Variants in STARD5 observed in about 807,000 individuals in gnomAD.
STARD5 encodes the protein StAR related lipid transfer domain containing 5.
STARD5 carries 26 observed loss-of-function variants against 24.6 expected under a neutral mutation model. The observed-to-expected ratio is 1.06, with a 90% CI of 0.77 to 1.47. The LOEUF is 1.47. Among genes scored for constraint, STARD5 ranks in the 40% most tolerant of loss-of-function variants. The pLI is 0.00. For synonymous variants in STARD5, 101 were observed against 99.7 expected, an observed-to-expected ratio of 1.01 and a Z score of -0.07; for missense variants, 254 against 270.8, an observed-to-expected ratio of 0.94 and a Z score of 0.44.
chr15:81,312,102 C>T lies in STARD5; in HGVS notation c.*1154G>A, dbSNP rs531213243. The T allele has an allele frequency of 4.7e-4, 72 of 152,384 alleles. 1 individual carries two copies. The highest frequency in any genetic ancestry group is 1.6e-3 in the African/African-American group (67 of 41,574). The allele number at this position is 152,384 out of a possible 1,614,324, so 9.4% of individuals were successfully genotyped here. ...GCAGCGTGAAGGGATTTTAGTCACA[C>T]GTGGTCTTTCTTACAAGGAAGGTGG... is the stretch of plus-strand genomic sequence containing the variant. On this transcript the variant is annotated 3_prime_UTR_variant, in exon 6 of 6. Coordinates refer to ENST00000302824, the MANE Select transcript of STARD5 (RefSeq NM_181900.3).
intron 3 of STARD5, 47 bp from the exon 4 acceptor site, chr15:81,319,503 T>C (rs1901152619): frequency 6.6e-7 from 1 of 1,526,132 alleles, no homozygotes; most frequent in African/African-American, 1.4e-5. Flanking sequence ...GCCAGACATC[T>C]TCTCCCAACT....
At chr15:81,313,441 G>A (rs765156166) in intron 5 of STARD5, 38 bp from the exon 6 acceptor site, 21 of 1,467,596 alleles carry the variant, frequency 1.4e-5, no homozygotes, top group African/African-American at 1.4e-5. Flanking sequence ...ATGATCTGCA[G>A]CAGAGGTGCT....
rs1900730943 is a variant in STARD5, at chr15:81,309,271, T to G, written c.*3985A>C. 1 of 155,296 alleles carries G rather than the reference T, an allele frequency of 6.4e-6. No homozygotes were observed. Among genetic ancestry groups the G allele is most frequent in the Non-Finnish European group, 1.4e-5 (1 of 70,126 alleles). 9.6% of individuals were successfully genotyped at this position (155,296 alleles called of 1,614,324 possible). A position where few individuals can be genotyped will look rare whatever the true frequency, so the allele number is the denominator to read the frequency against. On this transcript the variant is annotated 3_prime_UTR_variant, in exon 6 of 6. Coordinates refer to ENST00000302824, the MANE Select transcript of STARD5 (RefSeq NM_181900.3). ...GCGTCATGCAAAGTCATGCAAAGGC[T>G]GGGACCACGTGAGATCATTCACTCA...
Position 81,322,519 on chromosome 15 carries a change from T to C in STARD5, c.171A>G (p.Val57=), listed in dbSNP as rs1893309712. 6.2e-7 allele frequency: 1 copy of C among 1,614,186 alleles called. No individual in the cohort carries two copies. Among genetic ancestry groups the C allele is most frequent in the African/African-American group, 1.3e-5 (1 of 75,050 alleles). The change falls in exon 3 of 6, where the codon GTA becomes GTG. Residue 57 remains valine (V), a synonymous_variant. Transcript: ENST00000302824. Reference sequence around the variant, plus strand: ...CCCACACCTCCTCTAGTGTCCCATATACAATGCCTTCTCCTCGGTACCTGG... The same window carrying C: ...CCCACACCTCCTCTAGTGTCCCATACACAATGCCTTCTCCTCGGTACCTGG... ...PGNLYRGEGI[V]YGTLEEVWDC...
intron 2 of STARD5, 38 bp downstream of exon 2, chr15:81,322,861 G>A (rs374681683): frequency 5.1e-5 from 83 of 1,612,852 alleles, no homozygotes; most frequent in African/African-American, 4.0e-4. Flanking sequence ...GGAAGGGTGC[G>A]GCACCTCTGG....
At chr15:81,313,610 C>T (rs112089465) in intron 5 of STARD5, 154 of 383,486 alleles carry the variant, frequency 4.0e-4, no homozygotes, top group African/African-American at 2.9e-3. Context: ...ATGCATTCCA[C>T]AGCCTCTCCC....
At chr15:81,313,694 A>G (rs370338184) in intron 5 of STARD5, 2 of 228,768 alleles carry the variant, frequency 8.7e-6, no homozygotes, top group African/African-American at 2.3e-5. Flanking sequence ...CACTCAGCAA[A>G]TGCTTTCAGA....
At chr15:81,319,571 A>G in intron 3 of STARD5, 115 bp from the exon 4 acceptor site, 1 of 862,576 alleles carries the variant, frequency 1.2e-6, no homozygotes, top group South Asian at 1.5e-5. Context: ...GGGTGGCACT[A>G]TAAACAGTTA....
Position 81,324,072 on chromosome 15 carries a change from T to G in STARD5, c.28A>C (p.Ser10Arg). 1 of 1,546,118 alleles carries G rather than the reference T, an allele frequency of 6.5e-7. No homozygotes were observed. The highest frequency in any genetic ancestry group is 8.8e-7 in the Non-Finnish European group (1 of 1,138,646). The change falls in exon 1 of 6, where the codon AGC becomes CGC. Residue 10 changes from serine (S) to arginine (R), a missense_variant. By Grantham distance (110) the Ser-to-Arg change is moderately radical. Coordinates refer to ENST00000302824, the MANE Select transcript of STARD5 (RefSeq NM_181900.3). ...AGCATCTTCTCGGCCACAGCCTCGC[T>G]CATCTGGGCTGCCAGCGCCGGGTCC... The part of the protein sequence containing the change: MDPALAAQM[S>R]EAVAEKMLQY...
intron 5 of STARD5, among the ~76,000 whole-genome samples, chr15:81,317,741 G>C (rs892540474): frequency 6.6e-6 from 1 of 152,158 alleles, no homozygotes; most frequent in Non-Finnish European, 1.5e-5. Context: ...GCAAGGCACA[G>C]TTTCTTTTGC....
At position 81,320,143 on chromosome 15, in the gene STARD5, G is replaced by A. The variant is rs537859656; in HGVS notation, c.283-687C>T. Reference sequence around the variant, plus strand: ...GAGAGTGGGGCCCAGGCTCTCTCGAGGTCACAGTGGAGAAGTACAGGCCAG... The same window carrying A: ...GAGAGTGGGGCCCAGGCTCTCTCGAAGTCACAGTGGAGAAGTACAGGCCAG... On this transcript the variant is annotated intron_variant, in intron 3 of 5. Transcript: ENST00000302824. 4.3e-4 allele frequency among the ~76,000 whole-genome samples: 66 copies of A among 152,234 alleles called. 1 individual carries two copies. The highest frequency in any genetic ancestry group is 1.4e-3 in the African/African-American group (60 of 41,528).
rs1900803149 is a variant in STARD5 at position 81,310,657 on chromosome 15, C to A, written c.*2599G>T. 6.6e-6 allele frequency: 1 copy of A among 152,174 alleles called. No individual in the cohort carries two copies. The highest frequency in any genetic ancestry group is 2.1e-4 in the South Asian group (1 of 4,828). The allele number at this position is 152,174 out of a possible 1,614,324, so 9.4% of individuals were successfully genotyped here. The stretch of plus-strand genomic sequence containing the variant: ...CGTGATGTGGAGGGCACATTCCTTG[C>A]CTGCACAAACTCACCATCTGTGCAC... On this transcript the variant is annotated 3_prime_UTR_variant, in exon 6 of 6. Transcript: ENST00000302824.
rs149593184 is a variant in STARD5 at position 81,313,321 on chromosome 15, A to C, written c.577T>G (p.Phe193Val). The stretch of plus-strand genomic sequence containing the variant: ...TAAAACCGGGTCATGCTGCGGGGGA[A>C]GAAGGAGTCCACCACGTTCTGTGGG... ...YLPQNVVDSF[F>V]PRSMTRFYAN... Residue 193 changes from phenylalanine to valine, a missense_variant, in exon 6 of 6, where the codon TTC (phenylalanine) becomes GTC (valine). Phe to Val is a conservative substitution (Grantham distance 50). Transcript: ENST00000302824. 1.9e-6 allele frequency: 3 copies of C among 1,579,284 alleles called. No homozygotes were observed. The highest frequency in any genetic ancestry group is 2.6e-6 in the Non-Finnish European group (3 of 1,163,192).
rs746457885 is a variant in STARD5, at chr15:81,322,395, T to C, written c.282+13A>G. The C allele has an allele frequency of 6.2e-6, 10 of 1,614,064 alleles. No individual in the cohort carries two copies. In the South Asian group the frequency reaches 9.9e-5, roughly 16 times the overall value. On this transcript the variant is annotated intron_variant, in intron 3 of 5. Transcript: ENST00000302824. The stretch of plus-strand genomic sequence containing the variant: ...AGACACTATCTAGAGATAACATGCT[T>C]GGAAAGACTTACGTCAGTGATGCTT...
intron 3 of STARD5, among the ~76,000 whole-genome samples, chr15:81,321,608 C>CAA (rs33955634): frequency 0.29 from 39,187 of 137,478 alleles, 5,884 homozygotes; most frequent in East Asian, 0.57. Context: ...GATTCCGTCT[C>CAA]AAAAAAAAAA....
At chr15:81,314,309 A>C (rs1225251540) in intron 5 of STARD5, among the ~76,000 whole-genome samples, 5 of 152,216 alleles carry the variant, frequency 3.3e-5, no homozygotes, top group African/African-American at 1.2e-4. Context: ...AGAGGACGGC[A>C]GGTGGCACAG....
intron 5 of STARD5, among the ~76,000 whole-genome samples, chr15:81,314,639 C>A (rs1901034692): frequency 6.6e-6 from 1 of 151,994 alleles, no homozygotes; most frequent in South Asian, 2.1e-4. Flanking sequence ...AATCCCAGCA[C>A]CTTTGGGAGG....
chr15:81,322,544 G>A lies in STARD5; in HGVS notation c.150-4C>T, dbSNP rs375580285. 1.8e-5 allele frequency: 29 copies of A among 1,614,008 alleles called. No individual in the cohort carries two copies. The African/African-American group carries it at 2.8e-4, about 16-fold the overall frequency. ...TACAATGCCTTCTCCTCGGTACCTG[G>A]AGCACGAAAAGGAATTTGACCCCAA... On this transcript the variant is annotated splice_polypyrimidine_tract_variant and splice_region_variant and intron_variant, in intron 2 of 5. Transcript: ENST00000302824.
Position 81,322,968 on chromosome 15 carries a change from C to G in STARD5, c.100-20G>C. The G allele has an allele frequency of 6.2e-7, 1 of 1,613,878 alleles. No individual in the cohort carries two copies. The highest frequency in any genetic ancestry group is 8.5e-7 in the Non-Finnish European group (1 of 1,179,980). On this transcript the variant is annotated intron_variant, in intron 1 of 5. Coordinates refer to ENST00000302824, the MANE Select transcript of STARD5 (RefSeq NM_181900.3). ...TCCATTCTGTCAAAAGGCACAGAAC[C>G]ACAGAATTTTAGAGCTAGAAGGGCT...
Sources: allele counts gnomAD v4.1 joint callset (sites outside exome capture counted in the v4.1 genomes callset), GRCh38; gene constraint gnomAD v4.1.1; transcripts MANE v1.5; gene names NCBI Gene and HGNC (gene_info 2026-07-23, HGNC 2026-07-21).